SAMD5: variants seen among roughly 807,000 people sequenced by gnomAD.
The protein encoded by SAMD5 is sterile alpha motif domain containing 5.
A neutral mutation model predicts 11.3 loss-of-function variants in SAMD5; 13 were observed. The ratio of observed to expected loss-of-function variants is 1.15; its 90% CI spans 0.75 to 1.83. The LOEUF is 1.83. Among genes scored for constraint, SAMD5 ranks in the 40% most tolerant of loss-of-function variants. The pLI, the probability that SAMD5 is intolerant of heterozygous loss-of-function variation, is 0.00. For synonymous variants in SAMD5, 129 were observed against 111.3 expected (o/e 1.16, Z -1.00); for missense variants, 255 against 239.1 (o/e 1.07, Z -0.44).
At chr6:147,825,089 G>A in the SAMD5 span, among the ~76,000 whole-genome samples, 1 of 152,290 alleles carries the variant, frequency 6.6e-6, no homozygotes, top group South Asian at 2.1e-4. Flanking sequence ...GAGGTCACAG[G>A]AGTTCGAGAC....
intron 1 of SAMD5, among the ~76,000 whole-genome samples, chr6:147,521,256 G>A (rs1273661341): frequency 6.6e-6 from 1 of 151,982 alleles, no homozygotes; most frequent in Non-Finnish European, 1.5e-5. Context: ...GTATAATTAT[G>A]TATTGCCTGT....
At position 147,661,143 on chromosome 6, in the gene SAMD5, A is replaced by G. The variant is rs73010148; in HGVS notation, c.163-76174A>G. Among the ~76,000 whole-genome samples, 1,333 of 152,268 alleles carry G rather than the reference A, an allele frequency of 8.8e-3. 8 individuals are homozygous for G. The highest frequency in any genetic ancestry group is 0.012 in the Non-Finnish European group (790 of 68,012). The stretch of plus-strand genomic sequence containing the variant: ...ATTCCCTTTAGAAGCAAAATCTACC[A>G]ATTTTTTTTTCTTTTCCTGGGAAGA... On this transcript the variant is annotated intron_variant, in intron 1 of 1. Coordinates refer to the SAMD5 transcript ENST00000566741.
At chr6:147,585,657 G>T (rs1789363720) in intron 1 of SAMD5, among the ~76,000 whole-genome samples, 1 of 152,042 alleles carries the variant, frequency 6.6e-6, no homozygotes, top group Admixed American at 6.6e-5. Context: ...TCCCCTCTTG[G>T]CAGGAGGAAC....
At chr6:147,702,815 A>G (rs1562355625) in intron 1 of SAMD5, among the ~76,000 whole-genome samples, 1 of 123,002 alleles carries the variant, frequency 8.1e-6, no homozygotes, top group Non-Finnish European at 1.9e-5. Flanking sequence ...GTCTATTTGT[A>G]TATGTGTGTG....
chr6:147,551,812 T>TTATATATATATATATATA lies in SAMD5; in HGVS notation c.460-12574_460-12557dup, dbSNP rs10691979. ...CTTAAATGTGATTCTTATATATATG[T>TTATATATATATATATATA]TATATATATATATATATATATATAT... On this transcript the variant is annotated intron_variant, in intron 1 of 1. Coordinates refer to ENST00000367474, the MANE Select transcript of SAMD5 (RefSeq NM_001030060.3). Among the ~76,000 whole-genome samples the TTATATATATATATATATA allele has an allele frequency of 4.9e-3, 482 of 99,226 alleles. 8 individuals are homozygous for TTATATATATATATATATA. Among genetic ancestry groups the TTATATATATATATATATA allele is most frequent in the African/African-American group, 0.015 (413 of 28,144 alleles). The allele number at this position is 99,226 out of a possible 152,430, so 65.1% of individuals were successfully genotyped here.
At chr6:147,553,362 T>C (rs1008756782) in intron 1 of SAMD5, among the ~76,000 whole-genome samples, 3 of 152,188 alleles carry the variant, frequency 2.0e-5, no homozygotes, top group African/African-American at 7.2e-5. Flanking sequence ...CAGGAAGGGA[T>C]AGGATGACTG....
chr6:147,598,450 G>T (rs1256830387), intron 1 of SAMD5, among the ~76,000 whole-genome samples: 1 of 152,130 alleles, frequency 6.6e-6, no homozygotes, highest in East Asian at 1.9e-4. Context: ...AAAAAGCATG[G>T]TTCTCTTTCC....
chr6:147,608,260 C>A (rs773476865), intron 1 of SAMD5, among the ~76,000 whole-genome samples: 3 of 152,130 alleles, frequency 2.0e-5, no homozygotes, highest in African/African-American at 4.8e-5. Flanking sequence ...ATTGAGCTAC[C>A]ATGTGATCCA....
the SAMD5 span, among the ~76,000 whole-genome samples, chr6:147,909,564 CT>C: frequency 7.9e-4 from 22 of 27,790 alleles, no homozygotes; most frequent in South Asian, 4.3e-3. Context: ...CATCTTTTTT[CT>C]TTCTTTCTTT....
the SAMD5 span, among the ~76,000 whole-genome samples, chr6:147,862,910 T>A: frequency 6.6e-6 from 1 of 152,168 alleles, no homozygotes; most frequent in African/African-American, 2.4e-5. Context: ...AAATTATCAA[T>A]ATAGAAACTG....
At chr6:147,798,909 T>C in the SAMD5 span, among the ~76,000 whole-genome samples, 1 of 152,180 alleles carries the variant, frequency 6.6e-6, no homozygotes, top group Non-Finnish European at 1.5e-5. Flanking sequence ...TTTTTTGTTT[T>C]CCATTTGCTT....
chr6:147,800,559 G>C, the SAMD5 span, among the ~76,000 whole-genome samples: 2 of 152,240 alleles, frequency 1.3e-5, no homozygotes, highest in Non-Finnish European at 2.9e-5. Context: ...GGAGCCTACA[G>C]AGGCAGGCAG....
intron 1 of SAMD5, among the ~76,000 whole-genome samples, chr6:147,551,052 A>T (rs1005800309): frequency 1.3e-5 from 2 of 152,208 alleles, no homozygotes; most frequent in African/African-American, 2.4e-5. Flanking sequence ...GAAGCACAGT[A>T]GAGGGGTTGG....
At chr6:147,516,792 G>A (rs762963832) in intron 1 of SAMD5, among the ~76,000 whole-genome samples, 28 of 152,170 alleles carry the variant, frequency 1.8e-4, no homozygotes, top group Non-Finnish European at 3.5e-4. Flanking sequence ...CAGCTTGCAC[G>A]GCAGCCTGGA....
rs766271295 is a variant in SAMD5, at chr6:147,665,725, T to C, written c.163-71592T>C. 1.4e-4 allele frequency among the ~76,000 whole-genome samples: 21 copies of C among 152,222 alleles called. 1 individual carries two copies. The highest frequency in any genetic ancestry group is 1.2e-4 in the Non-Finnish European group (8 of 68,044). ...AGATAATCCTTAATGTGATACCATC[T>C]TTCAATGAAGGAGATGTCTCTGGGG... On this transcript the variant is annotated intron_variant, in intron 1 of 1. Coordinates refer to the SAMD5 transcript ENST00000566741.
At chr6:147,606,963 C>CAAAA (rs11377845) in intron 1 of SAMD5, among the ~76,000 whole-genome samples, 40 of 131,346 alleles carry the variant, frequency 3.0e-4, no homozygotes, top group East Asian at 8.2e-4. Context: ...CAGCTTTATC[C>CAAAA]AAAAAAAAAA....
Position 147,665,164 on chromosome 6 carries a change from T to C in SAMD5, c.163-72153T>C, listed in dbSNP as rs532237195. On this transcript the variant is annotated intron_variant, in intron 1 of 1. Coordinates refer to the SAMD5 transcript ENST00000566741. The stretch of plus-strand genomic sequence containing the variant: ...TGTTTAGACTTAAAATTTAAGCAAC[T>C]GATTCTACAAACATAGTTTAATGTA... Among the ~76,000 whole-genome samples, 112 of 152,372 alleles carry C rather than the reference T, an allele frequency of 7.4e-4. 1 individual carries two copies. The South Asian group carries it at 0.021, about 29-fold the overall frequency.
At chr6:147,931,421 G>A in the SAMD5 span, among the ~76,000 whole-genome samples, 9 of 152,040 alleles carry the variant, frequency 5.9e-5, no homozygotes, top group Admixed American at 6.6e-5. Context: ...TTTCAAAATT[G>A]TTTACTAGAA....
chr6:147,827,531 C>T, the SAMD5 span, among the ~76,000 whole-genome samples: 2 of 152,150 alleles, frequency 1.3e-5, no homozygotes, highest in Non-Finnish European at 2.9e-5. Flanking sequence ...CATCTAACCT[C>T]AGTTGCTTTT....
Sources: gnomAD v4.1 joint callset for allele counts (sites outside exome capture counted in the v4.1 genomes callset) on GRCh38, gnomAD v4.1.1 for gene constraint, MANE v1.5 for transcripts, NCBI Gene and HGNC (gene_info 2026-07-23, HGNC 2026-07-21) for gene names.